CWF19L2: variants seen among roughly 807,000 people sequenced by gnomAD.
CWF19L2 encodes CWF19-like protein 2.
CWF19L2 carries 98 observed loss-of-function variants against 111.7 expected under a neutral mutation model. That is an observed-to-expected ratio of 0.88 (90% CI 0.75 to 1.04). The LOEUF is 1.04. CWF19L2 is among the 50% of genes least tolerant of loss of function. The probability of loss-of-function intolerance (pLI) is 0.00; values close to 1 mark genes in which losing one functional copy is unlikely to be tolerated. For synonymous variants in CWF19L2, 351 were observed against 342.9 expected, an observed-to-expected ratio of 1.02 and a Z score of -0.26; for missense variants, 1,101 against 1,051.4, an observed-to-expected ratio of 1.05 and a Z score of -0.65.
intron 3 of CWF19L2, among the ~76,000 whole-genome samples, chr11:107,453,946 G>A (rs942854476): frequency 1.3e-5 from 2 of 151,530 alleles, no homozygotes; most frequent in Non-Finnish European, 2.9e-5. Context: ...GGAAGAGTGG[G>A]AAGGACTGCC....
chr11:107,403,459 G>A (rs538227240), intron 10 of CWF19L2: 4 of 799,968 alleles, frequency 5.0e-6, no homozygotes, highest in Admixed American at 3.4e-5. Context: ...CTGTTGTGCT[G>A]TTGCTCTCTG....
chr11:107,355,426 A>C (rs950185492), intron 12 of CWF19L2, among the ~76,000 whole-genome samples: 6 of 142,328 alleles, frequency 4.2e-5, no homozygotes, highest in Non-Finnish European at 6.1e-5. Context: ...AAAAAAAAAA[A>C]AAACAAACAA....
chr11:107,337,043 A>C (rs1241561213), intron 14 of CWF19L2, among the ~76,000 whole-genome samples: 2 of 152,212 alleles, frequency 1.3e-5, no homozygotes, highest in Non-Finnish European at 2.9e-5. Context: ...TGACAGAACA[A>C]TCATAGGAAA....
At chr11:107,416,816 C>T (rs961164517) in intron 9 of CWF19L2, among the ~76,000 whole-genome samples, 12 of 152,292 alleles carry the variant, frequency 7.9e-5, no homozygotes, top group Non-Finnish European at 1.5e-4. Context: ...ATGTGACATG[C>T]AAAGAATAGC....
At chr11:107,336,453 T>G (rs1859924824) in intron 15 of CWF19L2, 105 bp downstream of exon 15, 4 of 904,696 alleles carry the variant, frequency 4.4e-6, no homozygotes, top group Non-Finnish European at 6.5e-6. Flanking sequence ...ATATAAATTT[T>G]GATGTAAGTA....
intron 10 of CWF19L2, among the ~76,000 whole-genome samples, chr11:107,393,262 A>C (rs1401167643): frequency 1.3e-5 from 2 of 152,166 alleles, no homozygotes; most frequent in African/African-American, 4.8e-5. Flanking sequence ...ATCTGATTAT[A>C]AGAAATAAAA....
intron 6 of CWF19L2, among the ~76,000 whole-genome samples, chr11:107,436,139 C>T (rs1405507490): frequency 1.4e-5 from 2 of 145,362 alleles, no homozygotes; most frequent in Non-Finnish European, 3.0e-5. Flanking sequence ...TGTGACAGAG[C>T]GAGACTCCAC....
intron 12 of CWF19L2, among the ~76,000 whole-genome samples, chr11:107,382,792 C>G (rs1229190421): frequency 6.6e-6 from 1 of 152,236 alleles, no homozygotes; most frequent in East Asian, 1.9e-4. Context: ...AACAGAGTCT[C>G]TCTCCTGCCC....
rs569712529 is a variant in CWF19L2, at chr11:107,420,580, C to A, written c.1434-2293G>T. 5.9e-5 allele frequency among the ~76,000 whole-genome samples: 9 copies of A among 152,114 alleles called. No individual in the cohort carries two copies. The East Asian group carries it at 1.5e-3, about 26-fold the overall frequency. The stretch of plus-strand genomic sequence containing the variant: ...ATAGGATAAATATAATAGTCCCCCC[C>A]CTTATCTGCAGGAGTTATGTTCCAA... On this transcript the variant is annotated intron_variant, in intron 8 of 17. Coordinates refer to ENST00000282251, the MANE Select transcript of CWF19L2 (RefSeq NM_152434.3).
rs1245961061 is a variant in CWF19L2, at chr11:107,374,313, A to C, written c.1872+15761T>G. On this transcript the variant is annotated intron_variant, in intron 12 of 17. Transcript: ENST00000282251. ...CGAGAAGAGCAACACCAAGACACAT[A>C]ATTGTCAGATTCACCAAAGTTGAAA... Among the ~76,000 whole-genome samples, 466 of 130,800 alleles carry C rather than the reference A, an allele frequency of 3.6e-3. 94 individuals are homozygous for C. Among genetic ancestry groups the C allele is most frequent in the African/African-American group, 0.015 (450 of 30,618 alleles). 85.8% of individuals were successfully genotyped at this position (130,800 alleles called of 152,430 possible). A position where few individuals can be genotyped will look rare whatever the true frequency, so the allele number is the denominator to read the frequency against.
At chr11:107,414,184 TTTTA>T (rs199828565) in intron 10 of CWF19L2, among the ~76,000 whole-genome samples, 1 of 152,090 alleles carries the variant, frequency 6.6e-6, no homozygotes, top group East Asian at 1.9e-4. Flanking sequence ...TTTTTAGTGT[TTTTA>T]TTTATTTATT....
intron 8 of CWF19L2, among the ~76,000 whole-genome samples, chr11:107,420,060 G>A (rs1350216300): frequency 6.6e-6 from 1 of 151,382 alleles, no homozygotes; most frequent in African/African-American, 2.4e-5. Context: ...AGCAACCAAG[G>A]AAATGAAATG....
intron 10 of CWF19L2, among the ~76,000 whole-genome samples, chr11:107,402,976 ATTAT>A (rs1861028824): frequency 6.7e-6 from 1 of 149,410 alleles, no homozygotes; most frequent in African/African-American, 2.5e-5. Context: ...ACTGGAGACT[ATTAT>A]TCTAAGTGAT....
chr11:107,409,095 T>TAAA (rs143841792), intron 10 of CWF19L2, among the ~76,000 whole-genome samples: 1 of 141,352 alleles, frequency 7.1e-6, no homozygotes, highest in African/African-American at 2.6e-5. Context: ...GCTAAAACAT[T>TAAA]AAAAAAAAAA....
chr11:107,419,011 G>T (rs1861266972), intron 8 of CWF19L2, among the ~76,000 whole-genome samples: 1 of 152,204 alleles, frequency 6.6e-6, no homozygotes, highest in Non-Finnish European at 1.5e-5. Context: ...ACAGAACAGA[G>T]TACCAAAGAA....
intron 8 of CWF19L2, 42 bp from the exon 9 acceptor site, chr11:107,418,329 G>A: frequency 8.0e-7 from 1 of 1,251,860 alleles, no homozygotes. Flanking sequence ...AAATATAGGT[G>A]CGATGCAAGC....
chr11:107,403,920 T>G, intron 10 of CWF19L2: 1 of 847,588 alleles, frequency 1.2e-6, no homozygotes, highest in Non-Finnish European at 2.0e-6. Context: ...TGAGGAACCA[T>G]TAAGGACTGG....
chr11:107,341,623 T>C (rs1009546604), intron 14 of CWF19L2, among the ~76,000 whole-genome samples: 1 of 152,158 alleles, frequency 6.6e-6, no homozygotes, highest in Non-Finnish European at 1.5e-5. Flanking sequence ...CCAATATGAA[T>C]GAATTGGAAA....
chr11:107,397,892 G>A (rs1236884261), intron 10 of CWF19L2, among the ~76,000 whole-genome samples: 1 of 152,140 alleles, frequency 6.6e-6, no homozygotes, highest in Admixed American at 6.5e-5. Context: ...AAACTTGCTG[G>A]GTGGCTAGAC....
Sources: gnomAD v4.1 joint callset for allele counts (sites outside exome capture counted in the v4.1 genomes callset) on GRCh38, gnomAD v4.1.1 for gene constraint, MANE v1.5 for transcripts, NCBI Gene and HGNC (gene_info 2026-07-23, HGNC 2026-07-21) for gene names.